RPS6KC1: variants seen among roughly 807,000 people sequenced by gnomAD.
The protein encoded by RPS6KC1 is ribosomal protein S6 kinase C1, also known as inactive ribosomal protein S6 kinase delta-1.
A neutral mutation model predicts 103.8 loss-of-function variants in RPS6KC1; 54 were observed. The ratio of observed to expected loss-of-function variants is 0.52; its 90% CI spans 0.42 to 0.65. The LOEUF is 0.65. RPS6KC1 is among the 30% of genes least tolerant of loss of function. The pLI, the probability that RPS6KC1 is intolerant of heterozygous loss-of-function variation, is 0.00. For missense variants in RPS6KC1, 1,151 were observed against 1,253.8 expected, an observed-to-expected ratio of 0.92 and a Z score of 1.24; for synonymous variants, 439 against 438.7, an observed-to-expected ratio of 1.00 and a Z score of -0.01.
At chr1:213,279,390 A>G (rs1026620880), downstream of RPS6KC1, among the ~76,000 whole-genome samples, 3 of 152,170 alleles carry the variant, frequency 2.0e-5, no homozygotes, top group Admixed American at 1.3e-4. Context: ...CTAGGAGATT[A>G]TGGACTGTTG....
chr1:213,479,502 G>GTA, the RPS6KC1 span, among the ~76,000 whole-genome samples: 1 of 151,950 alleles, frequency 6.6e-6, no homozygotes, highest in Non-Finnish European at 1.5e-5. Context: ...CAAAATACTT[G>GTA]TATATATTGG....
At chr1:213,778,320 C>T in the RPS6KC1 span, among the ~76,000 whole-genome samples, 1 of 152,172 alleles carries the variant, frequency 6.6e-6, no homozygotes, top group Non-Finnish European at 1.5e-5. Context: ...CCAATTTTGA[C>T]TGCTCTGATG....
chr1:213,701,131 C>T, the RPS6KC1 span, among the ~76,000 whole-genome samples: 1 of 151,982 alleles, frequency 6.6e-6, no homozygotes, highest in East Asian at 1.9e-4. Flanking sequence ...TTGTTGTATT[C>T]CAGGTCTCAG....
At chr1:213,803,342 G>A in the RPS6KC1 span, among the ~76,000 whole-genome samples, 2 of 148,602 alleles carry the variant, frequency 1.3e-5, no homozygotes, top group Non-Finnish European at 1.5e-5. Context: ...TGCCTCCCGC[G>A]TTCAAGTGAT....
At chr1:213,084,090 A>G (rs1423314884) in intron 3 of RPS6KC1, among the ~76,000 whole-genome samples, 2 of 151,702 alleles carry the variant, frequency 1.3e-5, no homozygotes. Context: ...CTTTTATCCC[A>G]TTTACTTTAT....
chr1:213,701,348 A>T, the RPS6KC1 span, among the ~76,000 whole-genome samples: 8 of 152,122 alleles, frequency 5.3e-5, no homozygotes, highest in African/African-American at 1.9e-4. Flanking sequence ...GATATGATGC[A>T]TCACATTGAT....
chr1:213,298,530 G>T, the RPS6KC1 span, among the ~76,000 whole-genome samples: 1 of 151,926 alleles, frequency 6.6e-6, no homozygotes, highest in African/African-American at 2.4e-5. Flanking sequence ...TACTTCTTAT[G>T]TTTGCTGTTT....
chr1:213,833,635 T>C, the RPS6KC1 span, among the ~76,000 whole-genome samples: 1 of 152,186 alleles, frequency 6.6e-6, no homozygotes. Flanking sequence ...GTGCTCTTTA[T>C]AAATTTAATT....
chr1:213,754,732 C>A, the RPS6KC1 span, among the ~76,000 whole-genome samples: 1 of 152,154 alleles, frequency 6.6e-6, no homozygotes, highest in Non-Finnish European at 1.5e-5. Flanking sequence ...TATAAATTAC[C>A]CAGCCTCAGG....
At chr1:213,447,175 C>T in the RPS6KC1 span, among the ~76,000 whole-genome samples, 1 of 152,030 alleles carries the variant, frequency 6.6e-6, no homozygotes, top group Non-Finnish European at 1.5e-5. Flanking sequence ...TCAAGCGATC[C>T]TCCTACCTCA....
At chr1:213,768,684 A>G in the RPS6KC1 span, among the ~76,000 whole-genome samples, 2 of 152,326 alleles carry the variant, frequency 1.3e-5, no homozygotes, top group African/African-American at 2.4e-5. Flanking sequence ...CATGAATCCT[A>G]TAGCATGGCA....
rs756824538 is a variant in RPS6KC1, at chr1:213,241,894, G to A, written c.2418G>A (p.Glu806=). The stretch of plus-strand genomic sequence containing the variant: ...AGTTTCAAGGACTTGGAGTGGTTGA[G>A]TCAGCAGTAACTGCAAACAACACAG... ...DPKFQGLGVV[E]SAVTANNTEE... The change falls in exon 11 of 15, where the codon GAG becomes GAA. Residue 806 remains glutamate, a synonymous_variant. Transcript: ENST00000366960. 21 of 1,613,878 alleles carry A rather than the reference G, an allele frequency of 1.3e-5. No homozygotes were observed. Among genetic ancestry groups the A allele is most frequent in the Middle Eastern group, 1.6e-4 (1 of 6,082 alleles).
chr1:213,578,025 G>GA, the RPS6KC1 span, among the ~76,000 whole-genome samples: 4 of 152,178 alleles, frequency 2.6e-5, no homozygotes, highest in Non-Finnish European at 5.9e-5. Flanking sequence ...GGCCTAGTGG[G>GA]AAAAAAATGG....
At chr1:213,090,924 T>C (rs2080901681) in intron 3 of RPS6KC1, among the ~76,000 whole-genome samples, 1 of 152,242 alleles carries the variant, frequency 6.6e-6, no homozygotes, top group South Asian at 2.1e-4. Context: ...TTTACAAATC[T>C]CTAATGTCTG....
At chr1:213,217,879 A>C (rs535966437) in intron 8 of RPS6KC1, among the ~76,000 whole-genome samples, 1 of 152,326 alleles carries the variant, frequency 6.6e-6, no homozygotes, top group Non-Finnish European at 1.5e-5. Context: ...ATCTCAAAAT[A>C]ATAAGAGCTG....
intron 12 of RPS6KC1, among the ~76,000 whole-genome samples, chr1:213,242,932 C>T (rs1360617583): frequency 6.6e-6 from 1 of 152,112 alleles, no homozygotes; most frequent in East Asian, 1.9e-4. Flanking sequence ...TTAGAAATGT[C>T]TTAACTTCTT....
intron 3 of RPS6KC1, among the ~76,000 whole-genome samples, chr1:213,080,576 A>C (rs540495706): frequency 6.6e-6 from 1 of 152,194 alleles, no homozygotes; most frequent in South Asian, 2.1e-4. Context: ...ATCATTTATA[A>C]AATTATTATT....
chr1:213,191,997 G>T (rs2092765678), intron 8 of RPS6KC1, among the ~76,000 whole-genome samples: 1 of 151,708 alleles, frequency 6.6e-6, no homozygotes, highest in Non-Finnish European at 1.5e-5. Flanking sequence ...TTGTAGATCT[G>T]CCCGATTCAG....
chr1:213,227,225 G>A (rs1407979660), intron 8 of RPS6KC1, among the ~76,000 whole-genome samples: 1 of 152,176 alleles, frequency 6.6e-6, no homozygotes, highest in East Asian at 1.9e-4. Context: ...TATCTTTATG[G>A]AGAATGCTCA....
Sources: gnomAD v4.1 joint callset for allele counts (sites outside exome capture counted in the v4.1 genomes callset) on GRCh38, gnomAD v4.1.1 for gene constraint, MANE v1.5 for transcripts, NCBI Gene and HGNC (gene_info 2026-07-23, HGNC 2026-07-21) for gene names.